Variants in PLEKHA4 observed in about 807,000 individuals in gnomAD.
PLEKHA4 encodes pleckstrin homology domain-containing family A member 4.
Under a neutral mutation model 94.7 loss-of-function variants are expected in PLEKHA4, and 73 were observed. The ratio of observed to expected loss-of-function variants is 0.77; its 90% CI spans 0.64 to 0.94. The LOEUF (loss-of-function observed/expected upper bound fraction) is 0.94, where lower values mean the gene tolerates loss of function less well. Among genes scored for constraint, PLEKHA4 ranks in the 40% least tolerant of loss-of-function variants. PLEKHA4 has a pLI of 0.00. For missense variants in PLEKHA4, 1,049 were observed against 1,054.1 expected (o/e 1.00, Z 0.07); for synonymous variants, 449 against 437.1 (o/e 1.03, Z -0.34).
Position 48,859,118 on chromosome 19 carries a change from G to T in PLEKHA4, c.714C>A (p.Arg238=). 6.6e-7 allele frequency: 1 copy of T among 1,512,024 alleles called. No individual in the cohort carries two copies. Among genetic ancestry groups the T allele is most frequent in the Non-Finnish European group, 8.8e-7 (1 of 1,135,726 alleles). The allele number at this position is 1,512,024 out of a possible 1,614,324, so 93.7% of individuals were successfully genotyped here. ...GGGGGAGGCTCAGAGGCGAGGGAGG[G>T]CGAGAGAGGGGGGTGAACAGGCTGT... The part of the protein sequence containing the change: ...RSPDLFTPLS[R]PPSPLSLPRP... The change falls in exon 8 of 20, where the codon CGC becomes CGA. Residue 238 remains arginine (R), a synonymous_variant. Transcript: ENST00000263265.
In PLEKHA4 at chr19:48,859,451, C is replaced by G; in HGVS notation, c.692+18G>C. ...CCTTCTCTTAGGCCACGCCCACAAC[C>G]ATGTCCTCCCTACTCACTCGGGGCT... On this transcript the variant is annotated intron_variant, in intron 7 of 19. Coordinates refer to ENST00000263265, the MANE Select transcript of PLEKHA4 (RefSeq NM_020904.3). 6.2e-7 allele frequency: 1 copy of G among 1,612,722 alleles called. No homozygotes were observed. The highest frequency in any genetic ancestry group is 8.5e-7 in the Non-Finnish European group (1 of 1,179,636).
Position 48,861,500 on chromosome 19 carries a change from G to A in PLEKHA4, c.267C>T (p.Asp89=), listed in dbSNP as rs1156508436. 6.2e-7 allele frequency: 1 copy of A among 1,614,070 alleles called. No homozygotes were observed. The highest frequency in any genetic ancestry group is 1.1e-5 in the South Asian group (1 of 91,082). The stretch of plus-strand genomic sequence containing the variant: ...TGCCTAGGACACTCTCCTCGCGGCT[G>A]TCTGCAAAGAGGGGCTGGGGTCAAG... ...LSGHCLFYYK[D]SREESVLGSV... is the part of the protein sequence containing the mutation. The change falls in exon 5 of 20, where the codon GAC becomes GAT. Residue 89 remains aspartate, a splice_region_variant and synonymous_variant. Transcript: ENST00000263265.
chr19:48,852,322 C>T lies in PLEKHA4; in HGVS notation c.1331G>A (p.Arg444Gln), dbSNP rs762047370. The T allele has an allele frequency of 2.0e-5, 32 of 1,613,592 alleles. No homozygotes were observed. Among genetic ancestry groups the T allele is most frequent in the Admixed American group, 3.3e-5 (2 of 59,960 alleles). ...ACTGTACGTGTCCCAAACCCTCTCTCGCTCCTCAGGTTGCATAAAGGGGGA... is the reference window on the plus strand; with the variant it reads ...ACTGTACGTGTCCCAAACCCTCTCTTGCTCCTCAGGTTGCATAAAGGGGGA... ...RATLCHLTQERERVWDTYSGL... is the reference protein window; with the variant it reads ...RATLCHLTQEQERVWDTYSGL... The change falls in exon 13 of 20, where the codon CGA (arginine) becomes CAA (glutamine). Residue 444 changes from arginine to glutamine, a missense_variant. Transcript: ENST00000263265.
chr19:48,856,506 T>A, intron 9 of PLEKHA4, among the ~76,000 whole-genome samples: 1 of 151,600 alleles, frequency 6.6e-6, no homozygotes, highest in African/African-American at 2.4e-5. Context: ...GATCACGAGG[T>A]TAGGAGTTCG....
Position 48,860,448 on chromosome 19 carries a change from C to G in PLEKHA4, c.378G>C (p.Pro126=). 2 of 1,613,920 alleles carry G rather than the reference C, an allele frequency of 1.2e-6. No homozygotes were observed. The highest frequency in any genetic ancestry group is 1.7e-6 in the Non-Finnish European group (2 of 1,179,894). ...CGGCCAAAACGTAGGTCCTCATGCC[C>G]GGGTGCTCTGCCTGCGGGAAGAGAA... is the stretch of plus-strand genomic sequence containing the variant. ...GRRFTFTAEH[P]GMRTYVLAAD... Residue 126 remains proline, a synonymous_variant, in exon 6 of 20, where the codon CCG becomes CCC. Transcript: ENST00000263265.
intron 9 of PLEKHA4, among the ~76,000 whole-genome samples, chr19:48,854,696 CTTTTTTTTTTT>C (rs397859722): frequency 1.8e-4 from 15 of 81,320 alleles, no homozygotes; most frequent in Admixed American, 7.1e-4. Context: ...CATGCCTGGC[CTTTTTTTTTTT>C]TTTTTTTTTT....
At chr19:48,838,389 C>G (rs1376295147) in intron 18 of PLEKHA4, 2 of 244,686 alleles carry the variant, frequency 8.2e-6, no homozygotes, top group South Asian at 1.3e-4. Flanking sequence ...ACATTGCCTG[C>G]CTGTATCAAA....
In PLEKHA4 at chr19:48,854,096, A is replaced by T. The variant is rs2036310196; in HGVS notation, c.1096-9T>A. The T allele has an allele frequency of 4.3e-6, 7 of 1,614,026 alleles. No individual in the cohort carries two copies. Among genetic ancestry groups the T allele is most frequent in the Non-Finnish European group, 4.2e-6 (5 of 1,180,042 alleles). On this transcript the variant is annotated splice_polypyrimidine_tract_variant and intron_variant, in intron 10 of 19. Coordinates refer to ENST00000263265, the MANE Select transcript of PLEKHA4 (RefSeq NM_020904.3). ...AACTTGGTCAGCAGCGTCTGGAGAA[A>T]GGAGAGCGGGAGCTACTGATGGTCC...
In PLEKHA4 at chr19:48,837,929, C is replaced by T; in HGVS notation, c.2077+88G>A. 8.8e-7 allele frequency: 1 copy of T among 1,136,894 alleles called. No homozygotes were observed. Among genetic ancestry groups the T allele is most frequent in the Non-Finnish European group, 1.3e-6 (1 of 773,838 alleles). The allele number at this position is 1,136,894 out of a possible 1,614,324, so 70.4% of individuals were successfully genotyped here. A position where few individuals can be genotyped will look rare whatever the true frequency, so the allele number is the denominator to read the frequency against. ...AAGATAAAAAATTCTCACCGGCCCC[C>T]AGACCCCTCCTCTCCAGGACCTGGG... On this transcript the variant is annotated intron_variant, in intron 19 of 19. Transcript: ENST00000263265. This position sits in a 1 kb window ranked among gnomAD's most constrained non-coding sequence, Gnocchi z 4.3.
chr19:48,865,882 C>T (rs956195559), intron 2 of PLEKHA4, among the ~76,000 whole-genome samples: 6 of 151,630 alleles, frequency 4.0e-5, no homozygotes, highest in Non-Finnish European at 7.4e-5. Flanking sequence ...GGCGTGGTGG[C>T]GGGCGCCTGT....
Position 48,859,618 on chromosome 19 carries a change from C to T in PLEKHA4, c.543G>A (p.Pro181=), listed in dbSNP as rs1487406163. Residue 181 remains proline (P), a synonymous_variant, in exon 7 of 20, where the codon CCG becomes CCA. Coordinates refer to ENST00000263265, the MANE Select transcript of PLEKHA4 (RefSeq NM_020904.3). ...GEGPGGPGGP[P]EVSRGEEGRI... Reference sequence around the variant, plus strand: ...GCCCCTCTTCCCCTCTGCTCACCTCCGGGGGACCACCGGGGCCGCCGGGGC... The same window carrying T: ...GCCCCTCTTCCCCTCTGCTCACCTCTGGGGGACCACCGGGGCCGCCGGGGC... 7 of 1,613,126 alleles carry T rather than the reference C, an allele frequency of 4.3e-6. No individual in the cohort carries two copies. The highest frequency in any genetic ancestry group is 5.1e-6 in the Non-Finnish European group (6 of 1,179,958).
intron 13 of PLEKHA4, among the ~76,000 whole-genome samples, chr19:48,849,024 T>C (rs1239989614): frequency 6.6e-6 from 1 of 151,982 alleles, no homozygotes; most frequent in Non-Finnish European, 1.5e-5. Context: ...CTCAGCCTCC[T>C]GAGTAACTGG....
chr19:48,837,404 C>G lies in PLEKHA4; in HGVS notation c.2225G>C (p.Gly742Ala). ...TGFSRRGSGRGGGPTPWGPAW... is the reference protein window; with the variant it reads ...TGFSRRGSGRAGGPTPWGPAW... ...GGGCCCCCAGGGGGTGGGACCTCCT[C>G]CACGCCCACTCCCTCGGCGAGAGAA... Residue 742 changes from glycine to alanine, a missense_variant, in exon 20 of 20, where the codon GGA (glycine) becomes GCA (alanine). Gly to Ala is a moderately conservative substitution (Grantham distance 60). Coordinates refer to ENST00000263265, the MANE Select transcript of PLEKHA4 (RefSeq NM_020904.3). This position sits in a 1 kb window ranked among gnomAD's most constrained non-coding sequence, Gnocchi z 4.3. The G allele has an allele frequency of 6.2e-7, 1 of 1,613,502 alleles. No individual in the cohort carries two copies. The highest frequency in any genetic ancestry group is 8.5e-7 in the Non-Finnish European group (1 of 1,179,880).
At position 48,854,271 on chromosome 19, in the gene PLEKHA4, A is replaced by C. The variant is rs752048677; in HGVS notation, c.1048-7T>G. On this transcript the variant is annotated splice_polypyrimidine_tract_variant and splice_region_variant and intron_variant, in intron 9 of 19. Transcript: ENST00000263265. ...ACTCCAGGGGAGGACCCGGCTGAAG[A>C]GAAGGAAAAAAGTCAGGGGTCAAAG... The C allele has an allele frequency of 6.2e-7, 1 of 1,613,944 alleles. No homozygotes were observed. The highest frequency in any genetic ancestry group is 8.5e-7 in the Non-Finnish European group (1 of 1,179,796).
chr19:48,852,278 C>T lies in PLEKHA4; in HGVS notation c.1375G>A (p.Gly459Ser), dbSNP rs559324334. ...TACTCCAGCGTCTCTCTTAAGGTGCCCAGCTCCTGCTCCAGGCCACTGTAC... is the reference window on the plus strand; with the variant it reads ...TACTCCAGCGTCTCTCTTAAGGTGCTCAGCTCCTGCTCCAGGCCACTGTAC... ...DTYSGLEQEL[G>S]TLRETLEYLL... Residue 459 changes from glycine to serine, a missense_variant, in exon 13 of 20, where the codon GGC becomes AGC. Gly to Ser is a moderately conservative substitution (Grantham distance 56, BLOSUM62 0). Transcript: ENST00000263265. 3.7e-6 allele frequency: 6 copies of T among 1,613,930 alleles called. No individual in the cohort carries two copies. The African/African-American group carries it at 6.7e-5, about 18-fold the overall frequency.
At position 48,867,632 on chromosome 19, in the gene PLEKHA4, G is replaced by A. The variant is rs1259498452; in HGVS notation, c.-6-6C>T. ...CGGCTCCCCTCCATCAAGGGCTGGG[G>A]GAGAGAAAGAAAGGGGCTGTGTCTC... On this transcript the variant is annotated splice_polypyrimidine_tract_variant and splice_region_variant and intron_variant, in intron 1 of 19. Coordinates refer to ENST00000263265, the MANE Select transcript of PLEKHA4 (RefSeq NM_020904.3). The surrounding 1 kb of genome is among the most constrained non-coding windows in gnomAD (Gnocchi z 4.7). The A allele has an allele frequency of 6.3e-7, 1 of 1,584,196 alleles. No homozygotes were observed. Among genetic ancestry groups the A allele is most frequent in the South Asian group, 1.2e-5 (1 of 86,322 alleles).
At chr19:48,865,119 G>A (rs2036783735) in intron 3 of PLEKHA4, among the ~76,000 whole-genome samples, 1 of 152,074 alleles carries the variant, frequency 6.6e-6, no homozygotes, top group Non-Finnish European at 1.5e-5. Context: ...CGAGGCGGGT[G>A]GATCACTTGA....
At position 48,839,247 on chromosome 19, in the gene PLEKHA4, G is replaced by A. The variant is rs778322484; in HGVS notation, c.1922C>T (p.Ser641Leu). The A allele has an allele frequency of 1.3e-6, 2 of 1,593,048 alleles. No individual in the cohort carries two copies. Among genetic ancestry groups the A allele is most frequent in the African/African-American group, 2.7e-5 (2 of 74,404 alleles). The change falls in exon 18 of 20, where the codon TCG becomes TTG. Residue 641 changes from serine to leucine, a missense_variant. Ser to Leu is a moderately radical substitution (Grantham distance 145). Transcript: ENST00000263265. Reference protein sequence around the residue: ...DVEQRPVVGHSGAQKWLRSSG... With the variant: ...DVEQRPVVGHLGAQKWLRSSG... ...GCTTCTGAGCCATTTCTGGGCTCCC[G>A]AGTGTCCTACGACAGGCTGGAAAGG...
chr19:48,861,792 CT>C (rs2036652212), intron 3 of PLEKHA4, 100 bp from the exon 4 acceptor site: 10 of 1,094,452 alleles, frequency 9.1e-6, no homozygotes, highest in Non-Finnish European at 1.1e-5. Flanking sequence ...GAGAAAGAAA[CT>C]TGGAGAGAGG....
Sources: allele counts gnomAD v4.1 joint callset (sites outside exome capture counted in the v4.1 genomes callset), GRCh38; gene constraint gnomAD v4.1.1; non-coding constraint Gnocchi (gnomAD v3.1); transcripts MANE v1.5; gene names NCBI Gene and HGNC (gene_info 2026-07-23, HGNC 2026-07-21).